The following CSDE1 variants were observed in gnomAD, a reference collection of about 807,000 sequenced individuals.
CSDE1 encodes cold shock domain-containing protein E1.
In CSDE1, 17 loss-of-function variants were observed where a neutral mutation model predicts 89.3. The observed-to-expected ratio is 0.19, with a 90% CI of 0.13 to 0.29. CSDE1 has a LOEUF of 0.29. Among genes scored for constraint, CSDE1 ranks in the 10% least tolerant of loss-of-function variants. The probability of loss-of-function intolerance (pLI) is 1.00; values close to 1 mark genes in which losing one functional copy is unlikely to be tolerated. For synonymous variants in CSDE1, 322 were observed against 332.8 expected (o/e 0.97, Z 0.35); for missense variants, 672 against 984.2 (o/e 0.68, Z 4.24).
Position 114,727,240 on chromosome 1 carries a change from T to C in CSDE1, c.1357-150A>G. On this transcript the variant is annotated intron_variant, in intron 12 of 19. Transcript: ENST00000358528. ...AGCATTTTCTAAAAGATTATTCATA[T>C]GAATAAAAGGTAGTCTTGCCTTAAG... is the stretch of plus-strand genomic sequence containing the variant. The C allele has an allele frequency of 6.8e-6, 4 of 590,232 alleles. No individual in the cohort carries two copies. The South Asian group carries it at 6.9e-5, about 10-fold the overall frequency. The allele number at this position is 590,232 out of a possible 1,614,324, so 36.6% of individuals were successfully genotyped here. A position where few individuals can be genotyped will look rare whatever the true frequency, so the allele number is the denominator to read the frequency against.
intron 1 of CSDE1, among the ~76,000 whole-genome samples, chr1:114,757,449 C>T (rs1468095318): frequency 1.3e-5 from 2 of 152,086 alleles, no homozygotes; most frequent in Non-Finnish European, 2.9e-5. Context: ...CCCCTCTTCT[C>T]GGTCTCAGGC....
At chr1:114,740,887 A>C (rs994038723) in intron 2 of CSDE1, among the ~76,000 whole-genome samples, 5 of 152,212 alleles carry the variant, frequency 3.3e-5, no homozygotes, top group African/African-American at 7.2e-5. Context: ...ATTTCCATTT[A>C]AGTGGAATGT....
rs1043489597 is a variant in CSDE1 at position 114,733,554 on chromosome 1, A to G, written c.837+178T>C. On this transcript the variant is annotated intron_variant, in intron 9 of 19. Transcript: ENST00000358528. ...AAAGAAAAAAAAAAAAAAAAACACCATATTTATGAATATATAAATCTGGTT... is the reference window on the plus strand; with the variant it reads ...AAAGAAAAAAAAAAAAAAAAACACCGTATTTATGAATATATAAATCTGGTT... Among the ~76,000 whole-genome samples, 17 of 151,070 alleles carry G rather than the reference A, an allele frequency of 1.1e-4. 1 individual carries two copies. The highest frequency in any genetic ancestry group is 2.0e-4 in the Admixed American group (3 of 15,162).
intron 2 of CSDE1, among the ~76,000 whole-genome samples, chr1:114,744,201 A>G (rs1570943728): frequency 6.6e-6 from 1 of 152,196 alleles, no homozygotes; most frequent in Admixed American, 6.5e-5. Flanking sequence ...TTCTTTAAAT[A>G]GGGGGGAAAA....
intron 5 of CSDE1, 38 bp from the exon 6 acceptor site, chr1:114,736,893 A>G (rs747529784): frequency 3.4e-6 from 5 of 1,488,128 alleles, no homozygotes; most frequent in Non-Finnish European, 4.7e-6. Flanking sequence ...TTTTGGCAGG[A>G]TGCATATTCA....
chr1:114,754,778 T>C (rs773486334), intron 1 of CSDE1, among the ~76,000 whole-genome samples: 12 of 152,254 alleles, frequency 7.9e-5, no homozygotes, highest in Non-Finnish European at 1.2e-4. Context: ...TCTTTTTGTA[T>C]CTGTGTAGTA....
At chr1:114,747,332 C>A (rs1215242965) in intron 2 of CSDE1, among the ~76,000 whole-genome samples, 1 of 152,178 alleles carries the variant, frequency 6.6e-6, no homozygotes, top group East Asian at 1.9e-4. Flanking sequence ...CCCCCTTTAA[C>A]TGAACTATTT....
intron 15 of CSDE1, 146 bp from the exon 16 acceptor site, chr1:114,724,148 T>C: frequency 1.4e-6 from 1 of 714,520 alleles, no homozygotes; most frequent in Non-Finnish European, 2.2e-6. Flanking sequence ...TGAAGCCAAG[T>C]TCTATTTTTA....
chr1:114,730,302 A>C lies in CSDE1; in HGVS notation c.1312T>G (p.Phe438Val). The C allele has an allele frequency of 6.2e-7, 1 of 1,614,146 alleles. No homozygotes were observed. Among genetic ancestry groups the C allele is most frequent in the Non-Finnish European group, 8.5e-7 (1 of 1,180,020 alleles). The stretch of plus-strand genomic sequence containing the variant: ...GGGCTAGTGGTTTTAGGATTGGAAA[A>C]AGTGGCTTCTTTTTCTACCGTGCCC... ...FLGTVEKEATFSNPKTTSPNK... is the reference protein window; with the variant it reads ...FLGTVEKEATVSNPKTTSPNK... Residue 438 changes from phenylalanine to valine, a missense_variant, in exon 12 of 20, where the codon TTT (phenylalanine) becomes GTT (valine). Coordinates refer to ENST00000358528, the MANE Select transcript of CSDE1 (RefSeq NM_001007553.3).
At chr1:114,734,848 GAAATA>G (rs779935191) in intron 6 of CSDE1, among the ~76,000 whole-genome samples, 58 of 152,244 alleles carry the variant, frequency 3.8e-4, no homozygotes, top group Admixed American at 7.2e-4. Flanking sequence ...CAAAATAACT[GAAATA>G]AAGCCACAAA....
chr1:114,735,510 T>TGAAGAAACTTACCAGGTAA lies in CSDE1; in HGVS notation c.501-1006_501-988dup, dbSNP rs1553247773. Among the ~76,000 whole-genome samples, 3 of 152,300 alleles carry TGAAGAAACTTACCAGGTAA rather than the reference T, an allele frequency of 2.0e-5. No homozygotes were observed. In the East Asian group the frequency reaches 5.8e-4, roughly 29 times the overall value. ...GAGAACTTATACGTCATTTTACAGA[T>TGAAGAAACTTACCAGGTAA]GAAGAAACTTACCAGGTAAGGCTGT... On this transcript the variant is annotated intron_variant, in intron 6 of 19. Coordinates refer to ENST00000358528, the MANE Select transcript of CSDE1 (RefSeq NM_001007553.3).
At chr1:114,757,470 TCACA>T (rs1661672780) in intron 1 of CSDE1, among the ~76,000 whole-genome samples, 1 of 151,576 alleles carries the variant, frequency 6.6e-6, no homozygotes, top group Admixed American at 6.6e-5. Flanking sequence ...TCTTCCAACC[TCACA>T]CAAAGGACCG....
chr1:114,733,536 A>G (rs28463257), intron 9 of CSDE1, among the ~76,000 whole-genome samples, 196 bp downstream of exon 9: 2 of 151,780 alleles, frequency 1.3e-5, no homozygotes, highest in African/African-American at 2.4e-5. Flanking sequence ...AAAAAAGAAA[A>G]AAAAAAAAAA....
At chr1:114,724,701 T>G (rs1659702655) in intron 15 of CSDE1, among the ~76,000 whole-genome samples, 1 of 152,180 alleles carries the variant, frequency 6.6e-6, no homozygotes, top group South Asian at 2.1e-4. Flanking sequence ...CCCTACTCCA[T>G]GGTGATGTAT....
At chr1:114,749,742 T>G (rs1049508797) in intron 2 of CSDE1, 79 bp downstream of exon 2, 2 of 152,556 alleles carry the variant, frequency 1.3e-5, no homozygotes, top group African/African-American at 4.8e-5. Flanking sequence ...AAAGAACAAA[T>G]AAAGATTTTA....
At chr1:114,753,664 C>A (rs1220042991) in intron 1 of CSDE1, among the ~76,000 whole-genome samples, 4 of 152,166 alleles carry the variant, frequency 2.6e-5, no homozygotes, top group Admixed American at 6.5e-5. Context: ...CGCTTGTAAT[C>A]CCCAGCACTG....
intron 16 of CSDE1, among the ~76,000 whole-genome samples, chr1:114,722,262 T>G (rs1451117319): frequency 2.0e-5 from 3 of 151,798 alleles, no homozygotes; most frequent in Non-Finnish European, 2.9e-5. Context: ...ATGGGAAGAG[T>G]GATTAGAGGA....
At chr1:114,738,095 G>GT in intron 3 of CSDE1, 23 bp from the exon 4 acceptor site, 1 of 1,576,424 alleles carries the variant, frequency 6.3e-7, no homozygotes, top group South Asian at 1.1e-5. Context: ...AATGTGTTAT[G>GT]TTTGTTGAAC....
At chr1:114,748,442 C>T (rs796771560) in intron 2 of CSDE1, 4 of 152,310 alleles carry the variant, frequency 2.6e-5, no homozygotes, top group African/African-American at 9.6e-5. Flanking sequence ...AGGAAAATTG[C>T]TCTTCATAAG....
Sources: gnomAD v4.1 joint callset for allele counts (sites outside exome capture counted in the v4.1 genomes callset) on GRCh38, gnomAD v4.1.1 for gene constraint, MANE v1.5 for transcripts, NCBI Gene and HGNC (gene_info 2026-07-23, HGNC 2026-07-21) for gene names.